The following CRLS1 variants were observed in gnomAD, a reference collection of about 807,000 sequenced individuals.
CRLS1 encodes cardiolipin synthase (CMP-forming).
CRLS1 carries 24 observed loss-of-function variants against 37.0 expected under a neutral mutation model. The ratio of observed to expected loss-of-function variants is 0.65; its 90% confidence interval spans 0.47 to 0.91. The LOEUF is 0.91. CRLS1 is among the 40% of genes least tolerant of loss of function. The pLI is 0.00. For missense variants in CRLS1, 373 were observed against 395.8 expected (o/e 0.94, Z 0.49); for synonymous variants, 135 against 159.7 (o/e 0.85, Z 1.17).
Position 6,006,268 on chromosome 20 carries a change from C to G in CRLS1, c.22C>G (p.Arg8Gly). The G allele has an allele frequency of 4.8e-6, 6 of 1,252,602 alleles. No homozygotes were observed. The highest frequency in any genetic ancestry group is 6.0e-6 in the Non-Finnish European group (6 of 1,002,150). 77.6% of individuals were successfully genotyped at this position (1,252,602 alleles called of 1,614,324 possible). ...GGCCATGCTAGCCTTGCGCGTGGCGCGCGGCTCGTGGGGGGCCCTGCGCGG... is the reference window on the plus strand; with the variant it reads ...GGCCATGCTAGCCTTGCGCGTGGCGGGCGGCTCGTGGGGGGCCCTGCGCGG... MLALRVA[R>G]GSWGALRGAA... The change falls in exon 1 of 7, where the codon CGC (arginine) becomes GGC (glycine). Residue 8 changes from arginine to glycine, a missense_variant. Transcript: ENST00000378863.
At position 6,016,925 on chromosome 20, in the gene CRLS1, A is replaced by G. The variant is rs182478817; in HGVS notation, c.574+1435A>G. ...AGGTCTTAGACATCTCAGTGTCTCTATTTTGTCTTCCATACATGATTGACA... is the reference window on the plus strand; with the variant it reads ...AGGTCTTAGACATCTCAGTGTCTCTGTTTTGTCTTCCATACATGATTGACA... On this transcript the variant is annotated intron_variant, in intron 3 of 6. Transcript: ENST00000378863. Among the ~76,000 whole-genome samples, 10 of 152,236 alleles carry G rather than the reference A, an allele frequency of 6.6e-5. No individual in the cohort carries two copies. The East Asian group carries it at 1.9e-3, about 29-fold the overall frequency.
intron 3 of CRLS1, among the ~76,000 whole-genome samples, chr20:6,020,569 C>T (rs1979173653): frequency 6.6e-6 from 1 of 151,544 alleles, no homozygotes; most frequent in Non-Finnish European, 1.5e-5. Flanking sequence ...AATGTATATT[C>T]TGCAGTTCTT....
chr20:6,034,503 T>G lies in CRLS1; in HGVS notation c.769T>G (p.Leu257Val), dbSNP rs957968396. The G allele has an allele frequency of 6.2e-7, 1 of 1,613,294 alleles. No homozygotes were observed. The highest frequency in any genetic ancestry group is 1.3e-5 in the African/African-American group (1 of 74,940). The change falls in exon 6 of 7, where the codon TTG becomes GTG. Residue 257 changes from leucine (L) to valine (V), a missense_variant. Coordinates refer to ENST00000378863, the MANE Select transcript of CRLS1 (RefSeq NM_019095.6). ...CCAGTTAATCTTGGTGGCAGCTTCT[T>G]TGGCAGCTCCAGTTTTCAACTATGC... ...AVQLILVAAS[L>V]AAPVFNYADS...
intron 3 of CRLS1, among the ~76,000 whole-genome samples, chr20:6,021,365 C>T (rs1979278266): frequency 6.6e-6 from 1 of 152,086 alleles, no homozygotes; most frequent in African/African-American, 2.4e-5. Flanking sequence ...CTGCACCCGG[C>T]CTGCTTTGTA....
At chr20:6,005,983 A>C (rs2090047907), upstream of CRLS1, 1 of 315,352 alleles carries the variant, frequency 3.2e-6, no homozygotes, top group African/African-American at 2.2e-5. Flanking sequence ...AAACCCACTG[A>C]GCCTGATGCG....
intron 3 of CRLS1, among the ~76,000 whole-genome samples, chr20:6,027,780 C>G (rs903391414): frequency 1.3e-5 from 2 of 152,134 alleles, no homozygotes; most frequent in African/African-American, 4.8e-5. Flanking sequence ...TTCTTTCCCC[C>G]CAATCATTAA....
chr20:6,023,375 A>G (rs984318779), intron 3 of CRLS1: 2 of 152,256 alleles, frequency 1.3e-5, no homozygotes, highest in South Asian at 2.1e-4. Flanking sequence ...TTTTTGTTCT[A>G]CCAGGTGCCT....
chr20:6,010,654 G>A (rs1459645104), intron 2 of CRLS1, among the ~76,000 whole-genome samples: 1 of 152,154 alleles, frequency 6.6e-6, no homozygotes, highest in Non-Finnish European at 1.5e-5. Flanking sequence ...ATAACAGAAG[G>A]CTACATTAAA....
At chr20:6,032,676 T>G (rs1249813805) in intron 5 of CRLS1, among the ~76,000 whole-genome samples, 1 of 152,252 alleles carries the variant, frequency 6.6e-6, no homozygotes. Flanking sequence ...CTACTCTTAG[T>G]TGTCCATTCT....
At chr20:6,025,244 T>C (rs894670283) in intron 3 of CRLS1, among the ~76,000 whole-genome samples, 1 of 152,210 alleles carries the variant, frequency 6.6e-6, no homozygotes, top group Non-Finnish European at 1.5e-5. Context: ...TGAGTTTAAG[T>C]TGAAGCCAGT....
Position 6,039,928 on chromosome 20 carries a change from T to TGGG in CRLS1, c.*2770_*2771insGGG, listed in dbSNP as rs1980866189. 1 of 152,190 alleles carries TGGG rather than the reference T, an allele frequency of 6.6e-6. No individual in the cohort carries two copies. Among genetic ancestry groups the TGGG allele is most frequent in the Non-Finnish European group, 1.5e-5 (1 of 68,034 alleles). The allele number at this position is 152,190 out of a possible 1,614,324, so 9.4% of individuals were successfully genotyped here. A position where few individuals can be genotyped will look rare whatever the true frequency, so the allele number is the denominator to read the frequency against. ...GGAACCAACCCCACTGATGCTTTGA[T>TGGG]TTGGGATTTCCGGCCTGAACTGTAG... On this transcript the variant is annotated 3_prime_UTR_variant, in exon 7 of 7. Coordinates refer to ENST00000378863, the MANE Select transcript of CRLS1 (RefSeq NM_019095.6).
chr20:6,009,928 A>G lies in CRLS1; in HGVS notation c.444+16A>G. On this transcript the variant is annotated intron_variant, in intron 2 of 6. Coordinates refer to ENST00000378863, the MANE Select transcript of CRLS1 (RefSeq NM_019095.6). ...AACAGATTTGGTAAGTTGTAAATGC[A>G]CTCCCAGTTTGCTCTCCTTCCAAAT... 5.0e-6 allele frequency: 8 copies of G among 1,610,462 alleles called. No homozygotes were observed. The highest frequency in any genetic ancestry group is 6.8e-6 in the Non-Finnish European group (8 of 1,177,742).
chr20:6,015,584 C>A, intron 3 of CRLS1, 94 bp downstream of exon 3: 3 of 1,274,198 alleles, frequency 2.4e-6, no homozygotes, highest in East Asian at 2.3e-5. Context: ...ATTTTTGTTC[C>A]AAAAATATAG....
At chr20:6,012,086 A>G (rs1978364691) in intron 2 of CRLS1, among the ~76,000 whole-genome samples, 2 of 151,608 alleles carry the variant, frequency 1.3e-5, no homozygotes, top group African/African-American at 4.9e-5. Context: ...TGAATGTTAG[A>G]GAGGCCCCAT....
intron 1 of CRLS1, chr20:6,007,411 G>A: frequency 1.9e-6 from 3 of 1,613,398 alleles, no homozygotes; most frequent in Non-Finnish European, 2.5e-6. Flanking sequence ...TATGCCACAG[G>A]TTATCTGGTT....
intron 2 of CRLS1, among the ~76,000 whole-genome samples, chr20:6,011,828 C>T (rs753152705): frequency 5.9e-5 from 9 of 151,494 alleles, no homozygotes; most frequent in Non-Finnish European, 1.2e-4. Context: ...TCAGGTAATC[C>T]ACCCACCTCG....
rs1244289248 is a variant in CRLS1 at position 6,016,450 on chromosome 20, T to TGG, written c.574+964_574+965dup. On this transcript the variant is annotated intron_variant, in intron 3 of 6. Transcript: ENST00000378863. Reference sequence around the variant, plus strand: ...TTGAGGTGTGTATGTGATTGGGGAATGGGGGTGTGTGTGTGTGTGTGTGTG... The same window carrying TGG: ...TTGAGGTGTGTATGTGATTGGGGAATGGGGGGGTGTGTGTGTGTGTGTGTGTG... Among the ~76,000 whole-genome samples the TGG allele has an allele frequency of 6.3e-5, 7 of 110,558 alleles. No individual in the cohort carries two copies. The South Asian group carries it at 1.2e-3, about 20-fold the overall frequency. The allele number at this position is 110,558 out of a possible 152,430, so 72.5% of individuals were successfully genotyped here.
chr20:6,039,741 GT>G lies in CRLS1; in HGVS notation c.*2585del, dbSNP rs1190493451. On this transcript the variant is annotated 3_prime_UTR_variant, in exon 7 of 7. Transcript: ENST00000378863. ...TGGGCCCCAATAACTAGGTTTTTTT[GT>G]TAAAAAAAAAAAAAAAGGAAATGTG... is the stretch of plus-strand genomic sequence containing the variant. 10 of 71,032 alleles carry G rather than the reference GT, an allele frequency of 1.4e-4. No homozygotes were observed. Among genetic ancestry groups the G allele is most frequent in the African/African-American group, 8.6e-4 (10 of 11,630 alleles). 4.4% of individuals were successfully genotyped at this position (71,032 alleles called of 1,614,324 possible).
chr20:6,024,080 G>C (rs928638908), intron 3 of CRLS1, among the ~76,000 whole-genome samples: 1 of 151,904 alleles, frequency 6.6e-6, no homozygotes, highest in Non-Finnish European at 1.5e-5. Flanking sequence ...CGCTTCTTGA[G>C]TAGCTGAGAC....
Sources: allele counts gnomAD v4.1 joint callset (sites outside exome capture counted in the v4.1 genomes callset), GRCh38; gene constraint gnomAD v4.1.1; transcripts MANE v1.5; gene names NCBI Gene and HGNC (gene_info 2026-07-23, HGNC 2026-07-21).